The following SDR42E2 variants were observed in gnomAD, a reference collection of about 807,000 sequenced individuals.
SDR42E2 encodes the protein putative short-chain dehydrogenase/reductase family 42E member 2.
In SDR42E2, 20 loss-of-function variants were observed where a neutral mutation model predicts 10.5. That is an observed-to-expected ratio of 1.90 (90% CI 1.34 to 2.77). The LOEUF (loss-of-function observed/expected upper bound fraction) is 2.77. SDR42E2 is among the 30% of genes most tolerant of loss of function. The pLI, the probability that SDR42E2 is intolerant of heterozygous loss-of-function variation, is 0.00. For missense variants in SDR42E2, 162 were observed against 104.2 expected (o/e 1.55, Z -2.42); for synonymous variants, 72 against 39.2 (o/e 1.84, Z -3.12).
intron 4 of SDR42E2, among the ~76,000 whole-genome samples, chr16:22,168,926 C>T (rs1005012797): frequency 1.3e-5 from 2 of 152,030 alleles, no homozygotes; most frequent in African/African-American, 4.8e-5. Flanking sequence ...AGCTCATCTC[C>T]TGGTGTGATG....
intron 7 of SDR42E2, among the ~76,000 whole-genome samples, chr16:22,176,758 T>C (rs1485747470): frequency 6.6e-6 from 1 of 152,152 alleles, no homozygotes; most frequent in Non-Finnish European, 1.5e-5. Flanking sequence ...CTGACATATG[T>C]CTGTGGCAGC....
intron 5 of SDR42E2, 120 bp from the exon 6 acceptor site, chr16:22,170,713 T>C: frequency 1.5e-6 from 1 of 667,348 alleles, no homozygotes; most frequent in East Asian, 2.7e-5. Flanking sequence ...GTTGAAAACT[T>C]GGTAGAGATC....
chr16:22,170,000 A>G (rs1467451557), intron 5 of SDR42E2, among the ~76,000 whole-genome samples: 1 of 149,228 alleles, frequency 6.7e-6, no homozygotes, highest in Non-Finnish European at 1.5e-5. Flanking sequence ...CCACTGCTCT[A>G]CAGCCTGGGT....
At chr16:22,178,298 G>A (rs1287621465) in intron 8 of SDR42E2, 86 bp downstream of exon 8, 27 of 650,446 alleles carry the variant, frequency 4.2e-5, no homozygotes, top group South Asian at 1.6e-4. Flanking sequence ...GCCCCTGGTC[G>A]CTGCATCAGT....
chr16:22,165,063 C>T (rs1027775683), intron 1 of SDR42E2, among the ~76,000 whole-genome samples: 1 of 152,116 alleles, frequency 6.6e-6, no homozygotes, highest in Admixed American at 6.5e-5. Flanking sequence ...AGGACAGCAG[C>T]CACACTGGAG....
chr16:22,191,681 A>T lies in SDR42E2; in HGVS notation c.*1288A>T, dbSNP rs1191536123. On this transcript the variant is annotated 3_prime_UTR_variant, in exon 13 of 13. Transcript: ENST00000602312. ...TTTAGTACCAGAAAGAGCATGAAAA[A>T]TTTAAAAAAAAAAACTCTTAAAATA... 2 of 150,514 alleles carry T rather than the reference A, an allele frequency of 1.3e-5. No homozygotes were observed. Among genetic ancestry groups the T allele is most frequent in the East Asian group, 3.9e-4 (2 of 5,162 alleles). The allele number at this position is 150,514 out of a possible 1,614,324, so 9.3% of individuals were successfully genotyped here.
Position 22,172,258 on chromosome 16 carries a change from C to T in SDR42E2, c.516C>T (p.His172=), listed in dbSNP as rs372384532. The change falls in exon 7 of 13, where the codon CAC becomes CAT. Residue 172 remains histidine (H), a splice_region_variant and synonymous_variant. Transcript: ENST00000602312. ...DSVPYFPLDE[H]VDHYSRTKAI... ...CTGTTTTTCCTGGCCTCTGGCAGCA[C>T]GTAGACCACTACTCCCGAACCAAAG... 1.0e-4 allele frequency: 73 copies of T among 702,986 alleles called. No homozygotes were observed. The highest frequency in any genetic ancestry group is 2.3e-4 in the Middle Eastern group (1 of 4,392). The allele number at this position is 702,986 out of a possible 1,614,324, so 43.5% of individuals were successfully genotyped here.
chr16:22,164,221 A>C (rs550048669), intron 1 of SDR42E2, among the ~76,000 whole-genome samples: 1 of 152,004 alleles, frequency 6.6e-6, no homozygotes, highest in Admixed American at 6.6e-5. Flanking sequence ...GGAGTTCACT[A>C]CTAGCCTGGG....
chr16:22,190,571 T>C lies in SDR42E2; in HGVS notation c.*178T>C. The C allele has an allele frequency of 2.5e-6, 1 of 397,014 alleles. No individual in the cohort carries two copies. Among genetic ancestry groups the C allele is most frequent in the Non-Finnish European group, 4.4e-6 (1 of 225,452 alleles). 24.6% of individuals were successfully genotyped at this position (397,014 alleles called of 1,614,324 possible). On this transcript the variant is annotated 3_prime_UTR_variant, in exon 13 of 13. Coordinates refer to ENST00000602312, the MANE Select transcript of SDR42E2 (RefSeq NM_001394319.2). The stretch of plus-strand genomic sequence containing the variant: ...TCCAGACCTAGCCCGGACCGCCGAC[T>C]TCTGGCCACGCCCCTATCTACTCCC...
chr16:22,162,982 C>T (rs775988123), intron 1 of SDR42E2, among the ~76,000 whole-genome samples: 3 of 152,136 alleles, frequency 2.0e-5, no homozygotes, highest in Non-Finnish European at 4.4e-5. Flanking sequence ...ATTTGCTGGC[C>T]GCCTGCTTTG....
chr16:22,183,435 G>A (rs549413485), intron 10 of SDR42E2, among the ~76,000 whole-genome samples: 3 of 152,280 alleles, frequency 2.0e-5, no homozygotes, highest in African/African-American at 4.8e-5. Flanking sequence ...GTTGAGGCTC[G>A]GAAGGAGGCA....
chr16:22,173,696 A>C (rs1007367099), intron 7 of SDR42E2, among the ~76,000 whole-genome samples: 4 of 151,852 alleles, frequency 2.6e-5, no homozygotes, highest in Non-Finnish European at 5.9e-5. Flanking sequence ...TTCAGAACCA[A>C]ATTTATTCAA....
At chr16:22,167,195 T>C (rs2046551176) in intron 4 of SDR42E2, among the ~76,000 whole-genome samples, 196 bp downstream of exon 4, 1 of 129,218 alleles carries the variant, frequency 7.7e-6, no homozygotes, top group Non-Finnish European at 1.7e-5. Context: ...TTTTTTTTTT[T>C]TTTTTTTTGA....
chr16:22,168,907 T>C (rs561658955), intron 4 of SDR42E2, among the ~76,000 whole-genome samples: 1 of 152,182 alleles, frequency 6.6e-6, no homozygotes, highest in East Asian at 1.9e-4. Flanking sequence ...AGCTTAAAAA[T>C]AAGCATGGAG....
chr16:22,166,198 G>C (rs1462078567), intron 2 of SDR42E2, 52 bp from the exon 3 acceptor site: 1 of 415,944 alleles, frequency 2.4e-6, no homozygotes. Flanking sequence ...GCTCAGACAG[G>C]GGTCTGGGAC....
At chr16:22,179,908 G>C (rs1164456860) in intron 8 of SDR42E2, among the ~76,000 whole-genome samples, 1 of 152,082 alleles carries the variant, frequency 6.6e-6, no homozygotes, top group East Asian at 1.9e-4. Flanking sequence ...AGTCACGGGG[G>C]GGCTCATTTA....
intron 8 of SDR42E2, 98 bp from the exon 9 acceptor site, chr16:22,181,421 C>G: frequency 2.9e-6 from 2 of 685,620 alleles, no homozygotes; most frequent in East Asian, 5.4e-5. Context: ...GCAGAGGGGC[C>G]TGACCTGGAG....
At chr16:22,178,277 G>A (rs919545366) in intron 8 of SDR42E2, 65 bp downstream of exon 8, 14 of 676,960 alleles carry the variant, frequency 2.1e-5, no homozygotes, top group South Asian at 4.6e-5. Flanking sequence ...TACACTGGTC[G>A]GGCCCTCCCA....
intron 3 of SDR42E2, 116 bp downstream of exon 3, chr16:22,166,550 T>G (rs971889123): frequency 2.5e-6 from 1 of 402,548 alleles, no homozygotes; most frequent in African/African-American, 2.0e-5. Context: ...CCAGACTGTT[T>G]GAGCTATAGC....
Sources: gnomAD v4.1 joint callset for allele counts (sites outside exome capture counted in the v4.1 genomes callset) on GRCh38, gnomAD v4.1.1 for gene constraint, MANE v1.5 for transcripts, NCBI Gene and HGNC (gene_info 2026-07-23, HGNC 2026-07-21) for gene names.